The following LZTFL1 variants were observed in gnomAD, a reference collection of about 807,000 sequenced individuals.
The protein encoded by LZTFL1 is leucine zipper transcription factor-like protein 1.
A neutral mutation model predicts 45.9 loss-of-function variants in LZTFL1; 25 were observed. That is an observed-to-expected ratio of 0.54 (90% CI 0.40 to 0.76). The LOEUF (loss-of-function observed/expected upper bound fraction) is 0.76, where lower values mean the gene tolerates loss of function less well. Ranked by LOEUF, LZTFL1 falls within the 30% of genes least tolerant of loss-of-function variation. The pLI is 0.00. For synonymous variants in LZTFL1, 93 were observed against 117.4 expected (o/e 0.79, Z 1.35); for missense variants, 277 against 331.1 (o/e 0.84, Z 1.27).
At chr3:45,844,174 G>C (rs1701182057), upstream of LZTFL1, among the ~76,000 whole-genome samples, 1 of 152,206 alleles carries the variant, frequency 6.6e-6, no homozygotes, top group African/African-American at 2.4e-5. Context: ...TTGCAACCTA[G>C]ACTTGGCAAA....
chr3:45,904,985 G>T (rs1206316671), intron 2 of LZTFL1, among the ~76,000 whole-genome samples: 5 of 152,142 alleles, frequency 3.3e-5, no homozygotes, highest in Non-Finnish European at 5.9e-5. Context: ...TTCACCGGAG[G>T]GTTCTTCTCC....
intron 2 of LZTFL1, among the ~76,000 whole-genome samples, chr3:45,879,757 G>C (rs1407165952): frequency 6.6e-6 from 1 of 152,040 alleles, no homozygotes; most frequent in Admixed American, 6.5e-5. Context: ...CTGCGGGAGC[G>C]GGTATATAGG....
chr3:45,895,480 G>A (rs1402099818), intron 2 of LZTFL1, among the ~76,000 whole-genome samples: 2 of 152,250 alleles, frequency 1.3e-5, no homozygotes, highest in African/African-American at 4.8e-5. Context: ...GGAGGCAGAG[G>A]CGGGCGGATC....
chr3:45,879,369 G>T (rs1701810446), intron 2 of LZTFL1, among the ~76,000 whole-genome samples: 1 of 152,180 alleles, frequency 6.6e-6, no homozygotes, highest in African/African-American at 2.4e-5. Context: ...AGACATGGAG[G>T]AGCCTTAAAT....
At chr3:45,899,855 T>C (rs1702488125) in intron 2 of LZTFL1, among the ~76,000 whole-genome samples, 1 of 152,200 alleles carries the variant, frequency 6.6e-6, no homozygotes, top group African/African-American at 2.4e-5. Context: ...CCTCATTTCC[T>C]GTTTCCGTAG....
At chr3:45,913,545 A>G (rs1434528777) in intron 1 of LZTFL1, among the ~76,000 whole-genome samples, 1 of 152,242 alleles carries the variant, frequency 6.6e-6, no homozygotes, top group African/African-American at 2.4e-5. Flanking sequence ...GGAGATAAAC[A>G]TAAATGATAC....
At position 45,841,971 on chromosome 3, in the gene LZTFL1, T is replaced by A; in HGVS notation, c.3+18A>T. On this transcript the variant is annotated intron_variant, in intron 1 of 9. Transcript: ENST00000296135. ...TCTCTCCTGTGCGCGGTGCGGCGCC[T>A]GAGGGTCGGTTACTCACCATGGCGG... The A allele has an allele frequency of 6.2e-7, 1 of 1,611,144 alleles. No individual in the cohort carries two copies. Among genetic ancestry groups the A allele is most frequent in the South Asian group, 1.1e-5 (1 of 90,794 alleles).
At chr3:45,837,642 C>G (rs1024205125) in intron 2 of LZTFL1, among the ~76,000 whole-genome samples, 1 of 152,212 alleles carries the variant, frequency 6.6e-6, no homozygotes, top group Non-Finnish European at 1.5e-5. Context: ...ATACAACAAG[C>G]CAATCATTAA....
At position 45,881,372 on chromosome 3, in the gene LZTFL1, G is replaced by A. The variant is rs574145312; in HGVS notation, c.-214-22356C>T. Reference sequence around the variant, plus strand: ...TTAAAGATACCCAAGTCTTCCCACAGCCTCCAACTGGTTTTGTTCTCTTCC... The same window carrying A: ...TTAAAGATACCCAAGTCTTCCCACAACCTCCAACTGGTTTTGTTCTCTTCC... On this transcript the variant is annotated intron_variant, in intron 2 of 4. Coordinates refer to the LZTFL1 transcript ENST00000472635. Among the ~76,000 whole-genome samples, 51 of 152,242 alleles carry A rather than the reference G, an allele frequency of 3.3e-4. No individual in the cohort carries two copies. In the South Asian group the frequency reaches 9.5e-3, roughly 28 times the overall value.
intron 1 of LZTFL1, among the ~76,000 whole-genome samples, chr3:45,839,788 T>C (rs1235316907): frequency 6.6e-6 from 1 of 152,186 alleles, no homozygotes; most frequent in Non-Finnish European, 1.5e-5. Context: ...ATGCATACAA[T>C]TGGATCTCAC....
chr3:45,837,599 A>G (rs577086074), intron 2 of LZTFL1, among the ~76,000 whole-genome samples: 16 of 152,354 alleles, frequency 1.1e-4, no homozygotes, highest in African/African-American at 3.4e-4. Context: ...CATTTAATTA[A>G]TAACTCAAGT....
chr3:45,833,909 T>C (rs977860751), intron 4 of LZTFL1, among the ~76,000 whole-genome samples: 1 of 152,194 alleles, frequency 6.6e-6, no homozygotes, highest in African/African-American at 2.4e-5. Context: ...AGCCAGGAAG[T>C]GACAGAGCCA....
At chr3:45,915,100 T>C (rs1044623824) in intron 1 of LZTFL1, among the ~76,000 whole-genome samples, 2 of 152,186 alleles carry the variant, frequency 1.3e-5, no homozygotes, top group African/African-American at 4.8e-5. Flanking sequence ...TCACTGCCTT[T>C]GGTGTCTGTT....
rs1575247458 is a variant in LZTFL1 at position 45,825,757 on chromosome 3, T to C, written c.*557A>G. ...TGTTCACTGCTGTAAATTTTCCTTA[T>C]AATTGGTAAAAAGGCTACCCATAAT... On this transcript the variant is annotated 3_prime_UTR_variant, in exon 10 of 10. Transcript: ENST00000296135. 1 of 152,422 alleles carries C rather than the reference T, an allele frequency of 6.6e-6. No individual in the cohort carries two copies. Among genetic ancestry groups the C allele is most frequent in the African/African-American group, 2.4e-5 (1 of 41,464 alleles). 9.4% of individuals were successfully genotyped at this position (152,422 alleles called of 1,614,324 possible).
intron 2 of LZTFL1, among the ~76,000 whole-genome samples, chr3:45,908,637 G>C (rs536406654): frequency 1.3e-5 from 2 of 152,334 alleles, no homozygotes; most frequent in East Asian, 3.9e-4. Flanking sequence ...AAGCAGGGGA[G>C]AAAGGGGAGG....
chr3:45,844,590 C>T (rs931953832), upstream of LZTFL1, among the ~76,000 whole-genome samples: 2 of 152,132 alleles, frequency 1.3e-5, no homozygotes, highest in African/African-American at 2.4e-5. Context: ...CTTAAGAAGA[C>T]AGGATCTTTG....
exon 1 of LZTFL1, chr3:45,915,455 C>T (rs1361798725): frequency 6.6e-6 from 3 of 453,748 alleles, no homozygotes; most frequent in Non-Finnish European, 1.3e-5. Context: ...CCAGAAATGG[C>T]TTCCTTCTCT....
At chr3:45,891,646 C>T (rs1235388438) in intron 2 of LZTFL1, among the ~76,000 whole-genome samples, 1 of 152,102 alleles carries the variant, frequency 6.6e-6, no homozygotes, top group Non-Finnish European at 1.5e-5. Flanking sequence ...GAATTCACAG[C>T]ACCTATTGTA....
chr3:45,828,966 C>T (rs536618170), intron 7 of LZTFL1, among the ~76,000 whole-genome samples: 68 of 152,156 alleles, frequency 4.5e-4, no homozygotes, highest in Admixed American at 7.8e-4. Flanking sequence ...TTAAAAAAAT[C>T]CTCAAAGAAG....
Sources: allele counts gnomAD v4.1 joint callset (sites outside exome capture counted in the v4.1 genomes callset), GRCh38; gene constraint gnomAD v4.1.1; transcripts MANE v1.5; gene names NCBI Gene and HGNC (gene_info 2026-07-23, HGNC 2026-07-21).